NUP133: variants seen among roughly 807,000 people sequenced by gnomAD.
NUP133 encodes nuclear pore complex protein Nup133.
In NUP133, 66 loss-of-function variants were observed where a neutral mutation model predicts 146.2. That is an observed-to-expected ratio of 0.45 (90% CI 0.37 to 0.55). The LOEUF (loss-of-function observed/expected upper bound fraction) is 0.55. NUP133 is among the 20% of genes least tolerant of loss of function. The pLI, the probability that NUP133 is intolerant of heterozygous loss-of-function variation, is 0.00. For synonymous variants in NUP133, 521 were observed against 498.8 expected (o/e 1.04, Z -0.59); for missense variants, 1,277 against 1,374.8 (o/e 0.93, Z 1.12).
intron 12 of NUP133, among the ~76,000 whole-genome samples, chr1:229,479,678 C>T (rs989636131): frequency 5.3e-5 from 8 of 152,108 alleles, no homozygotes; most frequent in Non-Finnish European, 8.8e-5. Flanking sequence ...GTTTTGGATA[C>T]GTTGAAACTC....
At position 229,444,918 on chromosome 1, in the gene NUP133, T is replaced by C. The variant is rs900794153; in HGVS notation, c.3330A>G (p.Lys1110=). The change falls in exon 25 of 26, where the codon AAA becomes AAG. Residue 1110 remains lysine, a synonymous_variant. Coordinates refer to ENST00000261396, the MANE Select transcript of NUP133 (RefSeq NM_018230.3). ...GTATAGTAACAAACCACTTACCATC[T>C]TTTAAAAGTTTCTGTAAGATCTTCA... ...IFVKILQKLL[K]DGIQLSEYLP... is the part of the protein sequence containing the mutation. 2 of 1,596,348 alleles carry C rather than the reference T, an allele frequency of 1.3e-6. No homozygotes were observed. Among genetic ancestry groups the C allele is most frequent in the Non-Finnish European group, 8.6e-7 (1 of 1,166,368 alleles).
At chr1:229,498,563 G>C (rs1661715230) in intron 5 of NUP133, among the ~76,000 whole-genome samples, 1 of 152,062 alleles carries the variant, frequency 6.6e-6, no homozygotes, top group Non-Finnish European at 1.5e-5. Flanking sequence ...CACTTTGGGA[G>C]CCCAAGGCGG....
At chr1:229,503,927 T>C (rs929074192) in intron 2 of NUP133, among the ~76,000 whole-genome samples, 4 of 152,186 alleles carry the variant, frequency 2.6e-5, no homozygotes, top group Non-Finnish European at 4.4e-5. Context: ...CATTAAAAGG[T>C]TTAAATGTAA....
At chr1:229,465,394 C>A (rs1446855668) in intron 17 of NUP133, 26 bp downstream of exon 17, 3 of 1,488,710 alleles carry the variant, frequency 2.0e-6, no homozygotes, top group South Asian at 2.3e-5. Flanking sequence ...ATATTTTGAA[C>A]AACTGTTAAT....
intron 12 of NUP133, among the ~76,000 whole-genome samples, chr1:229,482,407 A>C (rs1467264556): frequency 6.6e-6 from 1 of 152,018 alleles, no homozygotes; most frequent in Non-Finnish European, 1.5e-5. Context: ...GCTAACTCCC[A>C]CCCCACTCAA....
chr1:229,464,387 T>G (rs1228136327), intron 18 of NUP133, among the ~76,000 whole-genome samples: 1 of 152,214 alleles, frequency 6.6e-6, no homozygotes, highest in Non-Finnish European at 1.5e-5. Context: ...AAGGGTAGTC[T>G]CCACATGTTG....
chr1:229,484,089 G>A lies in NUP133; in HGVS notation c.1557C>T (p.Ile519=). 6.8e-6 allele frequency: 11 copies of A among 1,613,450 alleles called. No individual in the cohort carries two copies. The highest frequency in any genetic ancestry group is 9.3e-6 in the Non-Finnish European group (11 of 1,179,636). Residue 519 remains isoleucine (I), a synonymous_variant, in exon 12 of 26, where the codon ATC becomes ATT. Transcript: ENST00000261396. ...KNETIAQEDK[I]KLLKAAFLQY... is the part of the protein sequence containing the mutation. ...GCAGAAAGGCAGCTTTCAGCAACTT[G>A]ATTTTATCTTCCTGGGCTATAGTTT...
intron 12 of NUP133, among the ~76,000 whole-genome samples, chr1:229,481,930 T>C (rs79743730): frequency 0.03 from 4,580 of 152,236 alleles, 215 homozygotes; most frequent in African/African-American, 0.1. Context: ...TTGAAGCTCC[T>C]GGCTTGTGGT....
At chr1:229,479,311 G>T (rs895077175) in intron 12 of NUP133, among the ~76,000 whole-genome samples, 1 of 152,196 alleles carries the variant, frequency 6.6e-6, no homozygotes, top group Non-Finnish European at 1.5e-5. Flanking sequence ...TCCGCATTTG[G>T]TTGAAAACAG....
chr1:229,505,734 A>C (rs1257379358), intron 2 of NUP133, among the ~76,000 whole-genome samples: 1 of 151,790 alleles, frequency 6.6e-6, no homozygotes, highest in Non-Finnish European at 1.5e-5. Context: ...TAAAAATACA[A>C]AAAATTAGCT....
chr1:229,491,882 C>T (rs1016558350), intron 8 of NUP133, among the ~76,000 whole-genome samples: 23 of 152,140 alleles, frequency 1.5e-4, no homozygotes, highest in African/African-American at 5.6e-4. Flanking sequence ...TAGTTCAAGA[C>T]CAAACAGGGC....
Position 229,450,524 on chromosome 1 carries a change from C to T in NUP133, c.3180+1G>A. Reference sequence around the variant, plus strand: ...AGATCATCTCAAGCAATTTTACTTACCTCATCAATATATTCCAACAAGTCC... The same window carrying T: ...AGATCATCTCAAGCAATTTTACTTATCTCATCAATATATTCCAACAAGTCC... On this transcript the variant is annotated splice_donor_variant, in intron 23 of 25. Coordinates refer to ENST00000261396, the MANE Select transcript of NUP133 (RefSeq NM_018230.3). LOFTEE classifies it high-confidence loss of function. 1 of 1,534,954 alleles carries T rather than the reference C, an allele frequency of 6.5e-7. No homozygotes were observed. The highest frequency in any genetic ancestry group is 8.9e-7 in the Non-Finnish European group (1 of 1,122,518).
In NUP133 at chr1:229,446,577, A is replaced by T. The variant is rs188757473; in HGVS notation, c.3246-1575T>A. Among the ~76,000 whole-genome samples the T allele has an allele frequency of 9.0e-4, 136 of 150,454 alleles. 3 individuals are homozygous for T. Among genetic ancestry groups the T allele is most frequent in the African/African-American group, 2.8e-3 (115 of 40,932 alleles). ...ACCCCATCTCTACTAAAAATACATTAAAAAAAATTAGCTGGGTGTGGTGGC... is the reference window on the plus strand; with the variant it reads ...ACCCCATCTCTACTAAAAATACATTTAAAAAAATTAGCTGGGTGTGGTGGC... On this transcript the variant is annotated intron_variant, in intron 24 of 25. Transcript: ENST00000261396.
chr1:229,463,398 T>C, intron 19 of NUP133, 145 bp downstream of exon 19: 2 of 932,420 alleles, frequency 2.1e-6, no homozygotes, highest in Non-Finnish European at 3.1e-6. Context: ...AAACGCGACA[T>C]ACAAATTAGT....
At chr1:229,487,677 T>A (rs1035478045) in intron 9 of NUP133, 64 bp from the exon 10 acceptor site, 21 of 1,273,834 alleles carry the variant, frequency 1.6e-5, no homozygotes, top group Admixed American at 6.9e-5. Flanking sequence ...TATGATTTTT[T>A]AAATTCATTT....
At position 229,449,174 on chromosome 1, in the gene NUP133, AT is replaced by A; in HGVS notation, c.3196del (p.Ile1066Ter). ...AAGGATTTCCAGTTTTAGATCATTT[AT>A]ATTTATATCTTCTTCCTTCACAGCA... ...EYIDEEEDIN[I>X]NDLKLEILCK... On this transcript the variant is annotated frameshift_variant, in exon 24 of 26. Transcript: ENST00000261396. LOFTEE classifies it high-confidence loss of function. 6.2e-7 allele frequency: 1 copy of A among 1,609,540 alleles called. No homozygotes were observed. Among genetic ancestry groups the A allele is most frequent in the Non-Finnish European group, 8.5e-7 (1 of 1,176,938 alleles).
chr1:229,481,223 G>T (rs1661203496), intron 12 of NUP133, among the ~76,000 whole-genome samples: 1 of 152,010 alleles, frequency 6.6e-6, no homozygotes, highest in East Asian at 1.9e-4. Context: ...TTAGATCAGG[G>T]GTCCCTTCTT....
In NUP133 at chr1:229,499,732, A is replaced by G. The variant is rs747098437; in HGVS notation, c.600T>C (p.Phe200=). 1.2e-6 allele frequency: 2 copies of G among 1,614,182 alleles called. No individual in the cohort carries two copies. Among genetic ancestry groups the G allele is most frequent in the Non-Finnish European group, 1.7e-6 (2 of 1,180,000 alleles). ...LAGEDTYTEA[F]VDSGGDKTYS... ...AAGTCTTATCACCTCCCGAATCTACAAAAGCCTCTGTGTAGGTATCTTCAC... is the reference window on the plus strand; with the variant it reads ...AAGTCTTATCACCTCCCGAATCTACGAAAGCCTCTGTGTAGGTATCTTCAC... The change falls in exon 5 of 26, where the codon TTT becomes TTC. Residue 200 remains phenylalanine, a synonymous_variant. Coordinates refer to ENST00000261396, the MANE Select transcript of NUP133 (RefSeq NM_018230.3).
At chr1:229,478,836 T>TGG (rs1278632887) in intron 12 of NUP133, among the ~76,000 whole-genome samples, 1 of 152,202 alleles carries the variant, frequency 6.6e-6, no homozygotes, top group Non-Finnish European at 1.5e-5. Context: ...TGTCACAGTC[T>TGG]GTTCCAGTGT....
Sources: allele counts gnomAD v4.1 joint callset (sites outside exome capture counted in the v4.1 genomes callset), GRCh38; gene constraint gnomAD v4.1.1; transcripts MANE v1.5; gene names NCBI Gene and HGNC (gene_info 2026-07-23, HGNC 2026-07-21).